The following GPC3 variants were observed in gnomAD, a reference collection of about 807,000 sequenced individuals.
The protein encoded by GPC3 is glypican-3.
GPC3 carries 3 observed loss-of-function variants against 34.4 expected under a neutral mutation model. The ratio of observed to expected loss-of-function variants is 0.09; its 90% CI spans 0.04 to 0.23. The LOEUF (loss-of-function observed/expected upper bound fraction) is 0.23, where lower values mean the gene tolerates loss of function less well. Ranked by LOEUF, GPC3 falls within the 10% of genes least tolerant of loss-of-function variation. The probability of loss-of-function intolerance (pLI) is 1.00; values close to 1 mark genes in which losing one functional copy is unlikely to be tolerated. For synonymous variants in GPC3, 177 were observed against 174.0 expected (o/e 1.02, Z -0.13); for missense variants, 351 against 445.6 (o/e 0.79, Z 1.91).
intron 7 of GPC3, among the ~76,000 whole-genome samples, chrX:133,537,469 A>C (rs2069304105): frequency 9.0e-6 from 1 of 111,300 alleles, no homozygotes; most frequent in South Asian, 3.8e-4. Context: ...AAGTCACAGG[A>C]AGAAAGCGTG....
At chrX:133,601,374 G>A (rs893874918) in intron 6 of GPC3, among the ~76,000 whole-genome samples, 4 of 111,564 alleles carry the variant, frequency 3.6e-5, no homozygotes, top group South Asian at 3.7e-4. Flanking sequence ...ACTTGAGTTC[G>A]AACGCTACTT....
At chrX:133,915,990 C>CA (rs1006285357) in intron 2 of GPC3, among the ~76,000 whole-genome samples, 5 of 109,416 alleles carry the variant, frequency 4.6e-5, no homozygotes, top group African/African-American at 1.3e-4. Flanking sequence ...ACTAAAAATA[C>CA]AAAAAAATTG....
At chrX:133,754,549 G>T (rs1227199135) in intron 2 of GPC3, among the ~76,000 whole-genome samples, 2 of 112,406 alleles carry the variant, frequency 1.8e-5, no homozygotes, top group African/African-American at 6.5e-5. Context: ...CAGTTAAAAA[G>T]AAATTGTATT....
At chrX:133,789,011 G>A (rs996671424) in intron 2 of GPC3, among the ~76,000 whole-genome samples, 3 of 110,781 alleles carry the variant, frequency 2.7e-5, no homozygotes, top group Admixed American at 9.6e-5. Context: ...CTTCACAGGG[G>A]AGGCTTCCCT....
chrX:133,796,038 C>T (rs1235934682), intron 2 of GPC3, among the ~76,000 whole-genome samples: 1 of 106,276 alleles, frequency 9.4e-6, no homozygotes, highest in African/African-American at 3.5e-5. Flanking sequence ...CTCCGCCTCC[C>T]GGGTTCACGC....
chrX:133,610,476 G>A (rs1247555647), intron 6 of GPC3, among the ~76,000 whole-genome samples: 2 of 110,401 alleles, frequency 1.8e-5, no homozygotes, highest in Non-Finnish European at 3.8e-5. Flanking sequence ...GTTCTAACGT[G>A]GGCTTCTCCA....
chrX:133,788,085 ATT>A (rs1176248015), intron 2 of GPC3, among the ~76,000 whole-genome samples: 3 of 45,224 alleles, frequency 6.6e-5, no homozygotes, highest in East Asian at 9.0e-4. Flanking sequence ...ATATCATATT[ATT>A]TTATATATAT....
intron 2 of GPC3, among the ~76,000 whole-genome samples, chrX:133,795,576 A>G (rs1413372196): frequency 8.9e-6 from 1 of 111,773 alleles, no homozygotes. Flanking sequence ...TTTCATTCAA[A>G]TCTTCAAAAG....
At chrX:133,547,839 T>G (rs2069400024) in intron 7 of GPC3, among the ~76,000 whole-genome samples, 1 of 110,545 alleles carries the variant, frequency 9.0e-6, no homozygotes, top group Non-Finnish European at 1.9e-5. Flanking sequence ...TTTTGTATTT[T>G]TAGTACAGAC....
chrX:133,610,923 T>TC (rs1223438892), intron 6 of GPC3, among the ~76,000 whole-genome samples: 2 of 104,437 alleles, frequency 1.9e-5, no homozygotes, highest in Non-Finnish European at 3.9e-5. Context: ...CCCTCTCACC[T>TC]CCCCCCAACC....
At chrX:133,657,512 C>T (rs1449713617) in intron 6 of GPC3, among the ~76,000 whole-genome samples, 1 of 111,410 alleles carries the variant, frequency 9.0e-6, no homozygotes, top group South Asian at 3.8e-4. Flanking sequence ...CTTTTCCTAA[C>T]ACAAGAAAAT....
intron 6 of GPC3, among the ~76,000 whole-genome samples, chrX:133,659,740 C>A (rs2070699919): frequency 9.0e-6 from 1 of 111,672 alleles, no homozygotes; most frequent in Non-Finnish European, 1.9e-5. Context: ...GACCTGTTGA[C>A]AATATTCCTC....
rs949145641 is a variant in GPC3 at position 133,908,452 on chromosome X, T to A, written c.337+44598A>T. Among the ~76,000 whole-genome samples the A allele has an allele frequency of 5.4e-5, 6 of 111,483 alleles. No homozygotes were observed. The South Asian group carries it at 1.1e-3, about 21-fold the overall frequency. On this transcript the variant is annotated intron_variant, in intron 2 of 7. Transcript: ENST00000370818. ...AGTCCTTGGTCTAGTGGGGAAGGCA[T>A]GAGGCTTGTTCAGAGGACTGTGGAG...
chrX:133,665,370 T>C (rs2070759722), intron 5 of GPC3, among the ~76,000 whole-genome samples: 2 of 111,827 alleles, frequency 1.8e-5, no homozygotes, highest in Non-Finnish European at 3.8e-5. Flanking sequence ...TATTTCTTTA[T>C]TACTAAAAAT....
At chrX:133,576,232 T>TTTG (rs1569386633) in intron 7 of GPC3, among the ~76,000 whole-genome samples, 116 of 110,400 alleles carry the variant, frequency 1.1e-3, no homozygotes, top group African/African-American at 3.5e-3. Flanking sequence ...AGCTCTGTTT[T>TTTG]TTTGTTTGTT....
intron 1 of GPC3, among the ~76,000 whole-genome samples, chrX:133,969,555 C>T (rs747524915): frequency 1.8e-5 from 2 of 111,239 alleles, no homozygotes; most frequent in Non-Finnish European, 3.8e-5. Flanking sequence ...ACTGAATACC[C>T]TAAAATATTT....
rs1246654218 is a variant in GPC3 at position 133,828,707 on chromosome X, C to T, written c.338-74531G>A. Among the ~76,000 whole-genome samples, 6 of 110,919 alleles carry T rather than the reference C, an allele frequency of 5.4e-5. No individual in the cohort carries two copies. The Admixed American group carries it at 5.8e-4, about 11-fold the overall frequency. On this transcript the variant is annotated intron_variant, in intron 2 of 7. Transcript: ENST00000370818. ...GGGGGAGTGGGGAAAAGGGAGATGT[C>T]TGTCAAAGTGTATAAAGATTCAGTT... is the stretch of plus-strand genomic sequence containing the variant.
At chrX:133,718,009 A>G (rs1304310065) in intron 3 of GPC3, among the ~76,000 whole-genome samples, 1 of 111,414 alleles carries the variant, frequency 9.0e-6, no homozygotes, top group Admixed American at 9.6e-5. Flanking sequence ...ATTGCTTGAT[A>G]CCAGGAGGTG....
chrX:133,596,434 A>G lies in GPC3; in HGVS notation c.1573+6T>C. 1 of 1,204,785 alleles carries G rather than the reference A, an allele frequency of 8.3e-7. No individual in the cohort carries two copies. Among genetic ancestry groups the G allele is most frequent in the Non-Finnish European group, 1.1e-6 (1 of 889,033 alleles). ...GATTACATTTGGGTCAGCACTAATCAGTTACCTGCAAGGAAGCGGAGCTGA... is the reference window on the plus strand; with the variant it reads ...GATTACATTTGGGTCAGCACTAATCGGTTACCTGCAAGGAAGCGGAGCTGA... On this transcript the variant is annotated splice_donor_region_variant and intron_variant, in intron 7 of 7. Coordinates refer to ENST00000370818, the MANE Select transcript of GPC3 (RefSeq NM_004484.4).
Sources: gnomAD v4.1 joint callset for allele counts (sites outside exome capture counted in the v4.1 genomes callset) on GRCh38, gnomAD v4.1.1 for gene constraint, MANE v1.5 for transcripts, NCBI Gene and HGNC (gene_info 2026-07-23, HGNC 2026-07-21) for gene names.